Variants in EVC2 observed in about 807,000 individuals in gnomAD.
EVC2 encodes the protein limbin.
Under a neutral mutation model 149.3 loss-of-function variants are expected in EVC2, and 148 were observed. The ratio of observed to expected loss-of-function variants is 0.99; its 90% CI spans 0.87 to 1.14. EVC2 has a LOEUF of 1.14. Among genes scored for constraint, EVC2 ranks in the 50% most tolerant of loss-of-function variants. The pLI is 0.00. For synonymous variants in EVC2, 776 were observed against 649.9 expected (o/e 1.19, Z -2.95); for missense variants, 1,854 against 1,627.3 (o/e 1.14, Z -2.40).
At chr4:5,626,456 C>T (rs1476337932) in intron 12 of EVC2, among the ~76,000 whole-genome samples, 1 of 151,770 alleles carries the variant, frequency 6.6e-6, no homozygotes, top group Admixed American at 6.6e-5. Flanking sequence ...GCCTCAGCCT[C>T]CGGAGTAGTT....
chr4:5,691,439 C>G, intron 3 of EVC2, 106 bp from the exon 4 acceptor site: 1 of 846,682 alleles, frequency 1.2e-6, no homozygotes, highest in Non-Finnish European at 1.9e-6. Flanking sequence ...AGAAAGATTA[C>G]TGCTACTAAT....
intron 5 of EVC2, 132 bp from the exon 6 acceptor site, chr4:5,685,611 T>C: frequency 1.4e-6 from 1 of 703,694 alleles, no homozygotes; most frequent in Non-Finnish European, 2.5e-6. Context: ...CAGTGATGCC[T>C]GCAGCAAGGA....
chr4:5,599,629 A>C (rs1455992167), intron 16 of EVC2, among the ~76,000 whole-genome samples: 1 of 152,164 alleles, frequency 6.6e-6, no homozygotes, highest in Non-Finnish European at 1.5e-5. Context: ...CGAAATGACG[A>C]GTTAATGGGT....
At chr4:5,607,901 CAGAGAAGGGCAA>C (rs1714519986) in intron 16 of EVC2, among the ~76,000 whole-genome samples, 1 of 151,560 alleles carries the variant, frequency 6.6e-6, no homozygotes, top group Non-Finnish European at 1.5e-5. Flanking sequence ...TGGGGGAGAA[CAGAGAAGGGCAA>C]GGAGAAGACA....
intron 7 of EVC2, among the ~76,000 whole-genome samples, chr4:5,675,190 T>C (rs1719910547): frequency 6.6e-6 from 1 of 152,236 alleles, no homozygotes; most frequent in African/African-American, 2.4e-5. Flanking sequence ...ATTACAAATA[T>C]TTCCCCAAGT....
At chr4:5,690,109 G>C (rs954236035) in intron 4 of EVC2, among the ~76,000 whole-genome samples, 1 of 152,250 alleles carries the variant, frequency 6.6e-6, no homozygotes, top group African/African-American at 2.4e-5. Flanking sequence ...GGGGGAGAAA[G>C]AAGGTACATC....
chr4:5,706,276 A>G (rs1314313810), intron 1 of EVC2, among the ~76,000 whole-genome samples: 1 of 151,550 alleles, frequency 6.6e-6, no homozygotes, highest in East Asian at 1.9e-4. Context: ...CATGGGACTT[A>G]GCAAAGGTGC....
chr4:5,596,377 C>G (rs1368309951), intron 16 of EVC2, among the ~76,000 whole-genome samples: 1 of 152,172 alleles, frequency 6.6e-6, no homozygotes, highest in African/African-American at 2.4e-5. Context: ...GTCTCTGAGA[C>G]CACGGTGCAA....
At chr4:5,708,833 G>C (rs1722391828), upstream of EVC2, 1 of 264,292 alleles carries the variant, frequency 3.8e-6, no homozygotes. Context: ...GCCTACCTGG[G>C]TCTGTAAGCC....
rs1167603371 is a variant in EVC2, at chr4:5,640,275, G to C, written c.1470+239C>G. On this transcript the variant is annotated intron_variant, in intron 10 of 21. Transcript: ENST00000344408. The surrounding 1 kb of genome is among the most constrained non-coding windows in gnomAD (Gnocchi z 4.6). The stretch of plus-strand genomic sequence containing the variant: ...GATAGGTGCACAGATGATTGGATGA[G>C]TGGGTGGATGGATGAGTGGGTGAAT... Among the ~76,000 whole-genome samples the C allele has an allele frequency of 6.6e-6, 1 of 151,890 alleles. No homozygotes were observed. Among genetic ancestry groups the C allele is most frequent in the Non-Finnish European group, 1.5e-5 (1 of 67,966 alleles).
At chr4:5,683,487 T>C (rs1277348708) in intron 6 of EVC2, among the ~76,000 whole-genome samples, 1 of 152,206 alleles carries the variant, frequency 6.6e-6, no homozygotes, top group Non-Finnish European at 1.5e-5. Context: ...CAACACAATG[T>C]TACTGAGCAC....
intron 9 of EVC2, among the ~76,000 whole-genome samples, chr4:5,644,162 G>A (rs78697878): frequency 0.027 from 4,139 of 152,094 alleles, 159 homozygotes; most frequent in African/African-American, 0.091. Context: ...TGGCTTCCAT[G>A]GGTGTCACCG....
At chr4:5,678,946 G>T (rs376296662) in intron 7 of EVC2, among the ~76,000 whole-genome samples, 1 of 151,882 alleles carries the variant, frequency 6.6e-6, no homozygotes, top group African/African-American at 2.4e-5. Flanking sequence ...CAGGAGAATC[G>T]CTTGAATCTG....
At position 5,637,035 on chromosome 4, in the gene EVC2, C is replaced by T. The variant is rs116351367; in HGVS notation, c.1470+3479G>A. ...GGAGTGATGGTGCCTGCCCAATACA[C>T]GCTGGCTTGCAAGGTGGTGTGGGTG... On this transcript the variant is annotated intron_variant, in intron 10 of 21. Coordinates refer to ENST00000344408, the MANE Select transcript of EVC2 (RefSeq NM_147127.5). The surrounding 1 kb of genome is among the most constrained non-coding windows in gnomAD (Gnocchi z 4.4). Among the ~76,000 whole-genome samples the T allele has an allele frequency of 0.011, 1,742 of 152,200 alleles. 35 individuals are homozygous for T. The highest frequency in any genetic ancestry group is 0.04 in the African/African-American group (1,645 of 41,516).
chr4:5,665,788 C>T, intron 7 of EVC2, 139 bp from the exon 8 acceptor site: 2 of 1,351,812 alleles, frequency 1.5e-6, no homozygotes, highest in Non-Finnish European at 2.1e-6. Context: ...CTGCCAGCTA[C>T]CAGCTGGCTG....
chr4:5,555,455 T>G (rs967931184), intron 21 of EVC2, among the ~76,000 whole-genome samples: 2 of 152,102 alleles, frequency 1.3e-5, no homozygotes, highest in African/African-American at 2.4e-5. Context: ...AGTAAGTGAA[T>G]GGAGAAAGAT....
Position 5,618,475 on chromosome 4 carries a change from T to A in EVC2, c.2706+3A>T. On this transcript the variant is annotated splice_donor_region_variant and intron_variant, in intron 15 of 21. Coordinates refer to ENST00000344408, the MANE Select transcript of EVC2 (RefSeq NM_147127.5). This position sits in a 1 kb window ranked among gnomAD's most constrained non-coding sequence, Gnocchi z 4.4. ...TAATCGGCCACTGACAGGTCCATCC[T>A]ACCTGCAGCTCAGGGGCAGCCACGG... 1 of 1,612,682 alleles carries A rather than the reference T, an allele frequency of 6.2e-7. No individual in the cohort carries two copies. The highest frequency in any genetic ancestry group is 8.5e-7 in the Non-Finnish European group (1 of 1,180,014).
chr4:5,603,682 C>T (rs773560988), intron 16 of EVC2, among the ~76,000 whole-genome samples: 8 of 152,152 alleles, frequency 5.3e-5, no homozygotes, highest in East Asian at 3.9e-4. Context: ...GGTGCATGCA[C>T]GACACATCAT....
chr4:5,549,711 A>G (rs1233813390), intron 21 of EVC2, among the ~76,000 whole-genome samples: 1 of 152,194 alleles, frequency 6.6e-6, no homozygotes, highest in Non-Finnish European at 1.5e-5. Context: ...AATAAAAGTA[A>G]TGCATATCCA....
Sources: gnomAD v4.1 joint callset for allele counts (sites outside exome capture counted in the v4.1 genomes callset) on GRCh38, gnomAD v4.1.1 for gene constraint, Gnocchi (gnomAD v3.1) non-coding constraint, MANE v1.5 for transcripts, NCBI Gene and HGNC (gene_info 2026-07-23, HGNC 2026-07-21) for gene names.